The following COL19A1 variants were observed in gnomAD, a reference collection of about 807,000 sequenced individuals.
COL19A1 encodes the protein collagen alpha-1(XIX) chain.
Under a neutral mutation model 190.2 loss-of-function variants are expected in COL19A1, and 159 were observed. That is an observed-to-expected ratio of 0.84 (90% CI 0.73 to 0.95). COL19A1 has a LOEUF of 0.95. Ranked by LOEUF, COL19A1 falls within the 40% of genes least tolerant of loss-of-function variation. The pLI, the probability that COL19A1 is intolerant of heterozygous loss-of-function variation, is 0.00. For synonymous variants in COL19A1, 509 were observed against 458.9 expected (o/e 1.11, Z -1.39); for missense variants, 1,418 against 1,431.9 (o/e 0.99, Z 0.16).
chr6:70,116,686 G>C (rs1252944779), intron 16 of COL19A1, among the ~76,000 whole-genome samples: 1 of 151,552 alleles, frequency 6.6e-6, no homozygotes, highest in African/African-American at 2.4e-5. Flanking sequence ...AATAATTACT[G>C]ATCTCTACTT....
intron 15 of COL19A1, among the ~76,000 whole-genome samples, chr6:70,093,660 G>C (rs761335058): frequency 3.3e-5 from 5 of 152,056 alleles, no homozygotes; most frequent in Non-Finnish European, 7.4e-5. Flanking sequence ...AAGAAGAGAA[G>C]CTCAAAAATT....
chr6:70,069,789 A>G (rs1372828636), intron 15 of COL19A1, among the ~76,000 whole-genome samples: 1 of 152,174 alleles, frequency 6.6e-6, no homozygotes, highest in Non-Finnish European at 1.5e-5. Flanking sequence ...CAGAGTAGGA[A>G]CTGATCCTTG....
chr6:69,933,140 C>G (rs1317981601), intron 7 of COL19A1, among the ~76,000 whole-genome samples: 1 of 152,074 alleles, frequency 6.6e-6, no homozygotes, highest in Non-Finnish European at 1.5e-5. Flanking sequence ...TATGTTCTGA[C>G]AGCAGCATCA....
chr6:70,145,366 C>G (rs1168109314), intron 25 of COL19A1, among the ~76,000 whole-genome samples: 1 of 152,090 alleles, frequency 6.6e-6, no homozygotes, highest in Admixed American at 6.6e-5. Flanking sequence ...AAATCATGTC[C>G]TTTGCAGCAA....
intron 15 of COL19A1, among the ~76,000 whole-genome samples, chr6:70,090,802 C>T (rs1782875833): frequency 1.3e-5 from 2 of 152,132 alleles, no homozygotes; most frequent in South Asian, 4.1e-4. Flanking sequence ...AGAGCACTCA[C>T]CATAATCTAC....
chr6:69,910,035 G>A (rs1457352373), intron 4 of COL19A1, among the ~76,000 whole-genome samples: 3 of 152,050 alleles, frequency 2.0e-5, no homozygotes, highest in African/African-American at 7.2e-5. Flanking sequence ...AGTTGAATTG[G>A]TATGATCTTA....
chr6:69,913,930 CG>C, intron 4 of COL19A1, among the ~76,000 whole-genome samples: 1 of 151,310 alleles, frequency 6.6e-6, no homozygotes, highest in South Asian at 2.1e-4. Flanking sequence ...GGACCTTTTG[CG>C]GGCAGGGTTG....
intron 9 of COL19A1, among the ~76,000 whole-genome samples, chr6:69,942,272 G>T (rs1562019916): frequency 6.6e-6 from 1 of 152,050 alleles, no homozygotes; most frequent in Non-Finnish European, 1.5e-5. Context: ...CGTATTTATG[G>T]AGTAAAGTGT....
rs971336153 is a variant in COL19A1 at position 69,992,578 on chromosome 6, A to G, written c.1026+29708A>G. Among the ~76,000 whole-genome samples the G allele has an allele frequency of 2.0e-5, 3 of 152,028 alleles. No individual in the cohort carries two copies. The South Asian group carries it at 6.2e-4, about 31-fold the overall frequency. ...TATTTTAACAATATTGATTTTTTCTATTCATGAGCGTGGAATGTTTTTCCA... is the reference window on the plus strand; with the variant it reads ...TATTTTAACAATATTGATTTTTTCTGTTCATGAGCGTGGAATGTTTTTCCA... On this transcript the variant is annotated intron_variant, in intron 11 of 50. Transcript: ENST00000620364.
rs185167221 is a variant in COL19A1 at position 69,909,662 on chromosome 6, A to G, written c.266+9324A>G. On this transcript the variant is annotated intron_variant, in intron 4 of 50. Coordinates refer to ENST00000620364, the MANE Select transcript of COL19A1 (RefSeq NM_001858.6). ...TTTCTATATGAGTAAAACATTGACA[A>G]CCCAATTTATCCATATCCAAGGTGG... 4.0e-4 allele frequency among the ~76,000 whole-genome samples: 61 copies of G among 152,200 alleles called. 1 individual carries two copies. Among genetic ancestry groups the G allele is most frequent in the Admixed American group, 3.3e-3 (50 of 15,290 alleles).
chr6:70,123,306 C>A lies in COL19A1; in HGVS notation c.1341+1364C>A, dbSNP rs1784993236. On this transcript the variant is annotated intron_variant, in intron 17 of 50. Coordinates refer to ENST00000620364, the MANE Select transcript of COL19A1 (RefSeq NM_001858.6). ...TGGCAATCATTAAAAAGTCAGGAAA[C>A]AACAGGTGCTAGAGAGGATGTGGAG... 2.0e-5 allele frequency among the ~76,000 whole-genome samples: 3 copies of A among 152,050 alleles called. No homozygotes were observed. The South Asian group carries it at 6.2e-4, about 32-fold the overall frequency.
At chr6:69,982,492 G>T (rs554532510) in intron 11 of COL19A1, among the ~76,000 whole-genome samples, 2 of 151,868 alleles carry the variant, frequency 1.3e-5, no homozygotes, top group African/African-American at 4.8e-5. Flanking sequence ...ACCTGCCTCG[G>T]CCTCCCACAG....
intron 25 of COL19A1, among the ~76,000 whole-genome samples, chr6:70,145,991 G>A (rs776335287): frequency 2.0e-5 from 3 of 152,026 alleles, no homozygotes; most frequent in Non-Finnish European, 4.4e-5. Flanking sequence ...AAAGTGCTGG[G>A]ATTACAGACA....
At chr6:69,878,382 T>G (rs1015668556) in intron 1 of COL19A1, among the ~76,000 whole-genome samples, 1 of 151,742 alleles carries the variant, frequency 6.6e-6, no homozygotes, top group African/African-American at 2.4e-5. Context: ...CCTGACTAAT[T>G]TTTTTATATT....
In COL19A1 at chr6:70,207,208, A is replaced by G. The variant is rs201422221; in HGVS notation, c.3363A>G (p.Gly1121=). The G allele has an allele frequency of 4.8e-5, 77 of 1,613,828 alleles. No homozygotes were observed. Among genetic ancestry groups the G allele is most frequent in the Non-Finnish European group, 2.6e-5 (31 of 1,179,930 alleles). ...PGPQGPPGPS[G]RCNPEDCLYP... ...CACAGGGCCCCCCAGGACCCAGTGGAAGATGTAACCCAGAAGATTGCCTCT... is the reference window on the plus strand; with the variant it reads ...CACAGGGCCCCCCAGGACCCAGTGGGAGATGTAACCCAGAAGATTGCCTCT... The change falls in exon 51 of 51, where the codon GGA becomes GGG. Residue 1121 remains glycine, a synonymous_variant. Transcript: ENST00000620364.
At chr6:70,062,980 G>A (rs1376994812) in intron 14 of COL19A1, among the ~76,000 whole-genome samples, 1 of 152,072 alleles carries the variant, frequency 6.6e-6, no homozygotes, top group Non-Finnish European at 1.5e-5. Context: ...GATTCATAAA[G>A]CAAGTCCTTA....
chr6:69,939,331 A>T (rs2150023056), intron 9 of COL19A1, among the ~76,000 whole-genome samples: 1 of 152,286 alleles, frequency 6.6e-6, no homozygotes, highest in Admixed American at 6.6e-5. Context: ...TTTCATGGTT[A>T]CATGTACCAG....
intron 4 of COL19A1, among the ~76,000 whole-genome samples, chr6:69,906,269 C>T (rs1382699374): frequency 1.3e-5 from 2 of 152,118 alleles, no homozygotes; most frequent in Non-Finnish European, 2.9e-5. Flanking sequence ...ACACACTCAG[C>T]TTGACTGGCC....
chr6:69,938,365 A>G (rs1293003111), intron 9 of COL19A1, among the ~76,000 whole-genome samples: 1 of 152,112 alleles, frequency 6.6e-6, no homozygotes, highest in African/African-American at 2.4e-5. Context: ...AAAACTGTGA[A>G]GCAGAAAAGT....
Sources: gnomAD v4.1 joint callset for allele counts (sites outside exome capture counted in the v4.1 genomes callset) on GRCh38, gnomAD v4.1.1 for gene constraint, MANE v1.5 for transcripts, NCBI Gene and HGNC (gene_info 2026-07-23, HGNC 2026-07-21) for gene names.